The following NAALADL2 variants were observed in gnomAD, a reference collection of about 807,000 sequenced individuals.
NAALADL2 encodes inactive N-acetylated-alpha-linked acidic dipeptidase-like protein 2.
In NAALADL2, 76 loss-of-function variants were observed where a neutral mutation model predicts 87.2. The ratio of observed to expected loss-of-function variants is 0.87; its 90% confidence interval spans 0.72 to 1.05. The LOEUF is 1.05. NAALADL2 is among the 50% of genes least tolerant of loss of function. The pLI is 0.00. For missense variants in NAALADL2, 1,089 were observed against 945.8 expected, an observed-to-expected ratio of 1.15 and a Z score of -1.99; for synonymous variants, 354 against 331.0, an observed-to-expected ratio of 1.07 and a Z score of -0.75.
rs73051880 is a variant in NAALADL2, at chr3:174,816,064, G to A, written c.-9+78318G>A. On this transcript the variant is annotated intron_variant, in intron 3 of 3. Transcript: ENST00000434257. The stretch of plus-strand genomic sequence containing the variant: ...CTAAATTACATAAAACAACAACATT[G>A]GTCCTATTAATTATTTCATTCATTG... 9.9e-3 allele frequency among the ~76,000 whole-genome samples: 1,499 copies of A among 151,522 alleles called. 20 individuals are homozygous for A. The highest frequency in any genetic ancestry group is 0.034 in the African/African-American group (1,415 of 41,348).
chr3:175,518,582 A>G (rs545585779), intron 9 of NAALADL2, among the ~76,000 whole-genome samples: 1 of 152,342 alleles, frequency 6.6e-6, no homozygotes, highest in East Asian at 1.9e-4. Flanking sequence ...CCATCTGGCA[A>G]GAGCCTTCCT....
intron 2 of NAALADL2, among the ~76,000 whole-genome samples, chr3:175,195,396 A>G (rs1738831407): frequency 6.6e-6 from 1 of 151,852 alleles, no homozygotes; most frequent in Non-Finnish European, 1.5e-5. Context: ...TAAGTTATGG[A>G]AAAACAGCCA....
chr3:175,122,416 G>C (rs1726294910), intron 2 of NAALADL2, among the ~76,000 whole-genome samples: 1 of 151,840 alleles, frequency 6.6e-6, no homozygotes, highest in African/African-American at 2.4e-5. Flanking sequence ...GGTGCATTGA[G>C]ATGTAAAATA....
intron 1 of NAALADL2, among the ~76,000 whole-genome samples, chr3:174,501,784 C>CT (rs1037587688): frequency 1.1e-4 from 16 of 151,644 alleles, no homozygotes; most frequent in Middle Eastern, 3.2e-3. Flanking sequence ...TATCTTTTTT[C>CT]TTTTTTTGCT....
At chr3:174,750,337 G>A (rs903489117) in intron 3 of NAALADL2, among the ~76,000 whole-genome samples, 4 of 152,126 alleles carry the variant, frequency 2.6e-5, no homozygotes, top group African/African-American at 4.8e-5. Context: ...CTTTGGATAT[G>A]GCTTCCCAGT....
At chr3:175,697,846 CAT>C (rs1413540733) in intron 11 of NAALADL2, among the ~76,000 whole-genome samples, 6 of 93,110 alleles carry the variant, frequency 6.4e-5, no homozygotes, top group Admixed American at 2.1e-4. Context: ...TTTATGTATA[CAT>C]ATATATGTGT....
At chr3:175,142,358 T>A (rs1264320740) in intron 2 of NAALADL2, among the ~76,000 whole-genome samples, 1 of 152,108 alleles carries the variant, frequency 6.6e-6, no homozygotes, top group African/African-American at 2.4e-5. Flanking sequence ...CTTTTGCTCA[T>A]CTATAGACGT....
intron 2 of NAALADL2, among the ~76,000 whole-genome samples, chr3:174,654,091 TG>T (rs1724657933): frequency 6.6e-6 from 1 of 151,388 alleles, no homozygotes; most frequent in Non-Finnish European, 1.5e-5. Flanking sequence ...TGTGTGTGTG[TG>T]TGTGTGTGTT....
At chr3:174,807,657 ATATT>A (rs756892895) in intron 3 of NAALADL2, among the ~76,000 whole-genome samples, 1 of 152,094 alleles carries the variant, frequency 6.6e-6, no homozygotes, top group Non-Finnish European at 1.5e-5. Flanking sequence ...AATAATAAAT[ATATT>A]TATTTCTTTC....
intron 5 of NAALADL2, among the ~76,000 whole-genome samples, chr3:175,368,556 G>A (rs918380538): frequency 7.0e-6 from 1 of 142,482 alleles, no homozygotes; most frequent in African/African-American, 2.5e-5. Flanking sequence ...TGAAAGGACT[G>A]TAGCAGGTGT....
At chr3:175,042,370 A>G (rs1033807938) in intron 1 of NAALADL2, among the ~76,000 whole-genome samples, 29 of 152,102 alleles carry the variant, frequency 1.9e-4, no homozygotes, top group African/African-American at 6.5e-4. Flanking sequence ...GGTTGTTTCC[A>G]TATTTTGACT....
chr3:174,587,452 T>C (rs1443324145), intron 2 of NAALADL2, among the ~76,000 whole-genome samples: 1 of 152,226 alleles, frequency 6.6e-6, no homozygotes, highest in Non-Finnish European at 1.5e-5. Flanking sequence ...CATTAGTTGA[T>C]GCAGTTTCTT....
At chr3:174,934,270 A>G (rs914929604) in intron 1 of NAALADL2, among the ~76,000 whole-genome samples, 1 of 152,188 alleles carries the variant, frequency 6.6e-6, no homozygotes, top group African/African-American at 2.4e-5. Flanking sequence ...AAAAATATGT[A>G]TGATTTCTTA....
At chr3:174,651,180 T>C (rs1447379267) in intron 2 of NAALADL2, among the ~76,000 whole-genome samples, 1 of 152,196 alleles carries the variant, frequency 6.6e-6, no homozygotes, top group African/African-American at 2.4e-5. Flanking sequence ...TGTTCACATG[T>C]AATCATTGAC....
chr3:175,065,491 T>C (rs572566353), intron 1 of NAALADL2, among the ~76,000 whole-genome samples: 1 of 152,302 alleles, frequency 6.6e-6, no homozygotes, highest in Middle Eastern at 3.4e-3. Context: ...TGTTGAACCA[T>C]GTCAAAAGAC....
chr3:174,666,203 A>G (rs1171505894), intron 2 of NAALADL2, among the ~76,000 whole-genome samples: 1 of 152,202 alleles, frequency 6.6e-6, no homozygotes, highest in Non-Finnish European at 1.5e-5. Flanking sequence ...AGTATCAGAT[A>G]TTTCTATTAA....
At chr3:174,582,892 A>ATT (rs34100658) in intron 2 of NAALADL2, among the ~76,000 whole-genome samples, 92 of 151,502 alleles carry the variant, frequency 6.1e-4, no homozygotes, top group African/African-American at 1.9e-3. Flanking sequence ...CCCAGACTTC[A>ATT]TTTTTTTTTG....
intron 2 of NAALADL2, among the ~76,000 whole-genome samples, chr3:175,163,118 C>G (rs887387715): frequency 1.3e-5 from 2 of 151,950 alleles, no homozygotes; most frequent in African/African-American, 2.4e-5. Flanking sequence ...TTCAAAGAGG[C>G]AAGCAAAAAT....
At chr3:174,838,021 GAAA>G (rs77681462) in intron 3 of NAALADL2, among the ~76,000 whole-genome samples, 1 of 71,944 alleles carries the variant, frequency 1.4e-5, no homozygotes, top group Admixed American at 1.6e-4. Context: ...AACCAAAAAA[GAAA>G]AAAAAAAAAA....
Sources: gnomAD v4.1 joint callset for allele counts (sites outside exome capture counted in the v4.1 genomes callset) on GRCh38, gnomAD v4.1.1 for gene constraint, MANE v1.5 for transcripts, NCBI Gene and HGNC (gene_info 2026-07-23, HGNC 2026-07-21) for gene names.